The following AK5 variants were observed in gnomAD, a reference collection of about 807,000 sequenced individuals.
AK5 encodes the protein adenylate kinase 5.
Under a neutral mutation model 69.5 loss-of-function variants are expected in AK5, and 27 were observed. The observed-to-expected ratio is 0.39, with a 90% CI of 0.29 to 0.54. The LOEUF is 0.54. AK5 is among the 20% of genes least tolerant of loss of function. The pLI, the probability that AK5 is intolerant of heterozygous loss-of-function variation, is 0.71. For synonymous variants in AK5, 260 were observed against 244.4 expected, an observed-to-expected ratio of 1.06 and a Z score of -0.60; for missense variants, 531 against 700.4, an observed-to-expected ratio of 0.76 and a Z score of 2.73.
intron 6 of AK5, among the ~76,000 whole-genome samples, chr1:77,408,889 A>G (rs538645419): frequency 1.3e-5 from 2 of 152,062 alleles, no homozygotes; most frequent in East Asian, 1.9e-4. Flanking sequence ...TAATAGTTAT[A>G]TTTTCTGCTT....
At chr1:77,398,854 A>G (rs1018715296) in intron 6 of AK5, among the ~76,000 whole-genome samples, 7 of 152,172 alleles carry the variant, frequency 4.6e-5, no homozygotes, top group Admixed American at 1.3e-4. Context: ...CAATATATCT[A>G]TATTGAATTG....
intron 10 of AK5, among the ~76,000 whole-genome samples, chr1:77,506,713 A>G (rs1366445436): frequency 1.3e-5 from 2 of 152,158 alleles, no homozygotes; most frequent in African/African-American, 4.8e-5. Flanking sequence ...TTCATTGTTA[A>G]TGGGGCCGGG....
intron 12 of AK5, among the ~76,000 whole-genome samples, chr1:77,534,302 A>G (rs961041771): frequency 9.9e-5 from 15 of 152,204 alleles, no homozygotes; most frequent in African/African-American, 3.4e-4. Flanking sequence ...AGCATGTCCC[A>G]GAGACAAAAG....
chr1:77,416,078 C>T (rs1214424543), intron 7 of AK5, among the ~76,000 whole-genome samples: 1 of 151,892 alleles, frequency 6.6e-6, no homozygotes, highest in Non-Finnish European at 1.5e-5. Flanking sequence ...CTTACTGCCT[C>T]ACAACATAAG....
intron 10 of AK5, among the ~76,000 whole-genome samples, chr1:77,516,640 T>A (rs748174545): frequency 6.8e-6 from 1 of 147,180 alleles, no homozygotes; most frequent in East Asian, 2.0e-4. Flanking sequence ...CGTGGTAGCC[T>A]GGAAAAGTCT....
rs546401919 is a variant in AK5, at chr1:77,306,178, TC to T, written c.699+8232del. Reference sequence around the variant, plus strand: ...TGTTTCCAATCTTAGAGGAAAGGCTTCAGTTTTTCCCCATTCAGTATGATAC... The same window carrying T: ...TGTTTCCAATCTTAGAGGAAAGGCTTAGTTTTTCCCCATTCAGTATGATAC... On this transcript the variant is annotated intron_variant, in intron 5 of 13. Coordinates refer to ENST00000354567, the MANE Select transcript of AK5 (RefSeq NM_174858.3). Among the ~76,000 whole-genome samples the T allele has an allele frequency of 6.1e-3, 922 of 152,274 alleles. 11 individuals are homozygous for T. Among genetic ancestry groups the T allele is most frequent in the African/African-American group, 0.021 (877 of 41,566 alleles).
At chr1:77,479,055 A>C (rs1655109694) in intron 8 of AK5, among the ~76,000 whole-genome samples, 2 of 152,218 alleles carry the variant, frequency 1.3e-5, no homozygotes, top group South Asian at 4.1e-4. Context: ...CTCTAATCCA[A>C]ATCTGCAGTT....
intron 6 of AK5, among the ~76,000 whole-genome samples, chr1:77,401,502 A>G (rs898010632): frequency 6.6e-6 from 1 of 151,898 alleles, no homozygotes; most frequent in Non-Finnish European, 1.5e-5. Context: ...AAAACAGCCA[A>G]TTGATTTCCC....
chr1:77,451,211 CT>C (rs1653131273), intron 8 of AK5, among the ~76,000 whole-genome samples: 1 of 151,402 alleles, frequency 6.6e-6, no homozygotes, highest in Non-Finnish European at 1.5e-5. Flanking sequence ...AAAAGCAAAA[CT>C]ACATGCTATG....
intron 12 of AK5, among the ~76,000 whole-genome samples, chr1:77,522,791 T>TA (rs1658067327): frequency 6.6e-6 from 1 of 152,212 alleles, no homozygotes; most frequent in Non-Finnish European, 1.5e-5. Context: ...GCCTCATTGT[T>TA]AAACAAATAC....
chr1:77,513,655 C>T (rs1570288709), intron 10 of AK5, among the ~76,000 whole-genome samples: 1 of 152,178 alleles, frequency 6.6e-6, no homozygotes, highest in Non-Finnish European at 1.5e-5. Flanking sequence ...GCCTGGTCAA[C>T]GTGGTGAAAC....
At chr1:77,425,062 A>AT (rs1267797406) in intron 8 of AK5, among the ~76,000 whole-genome samples, 10 of 152,188 alleles carry the variant, frequency 6.6e-5, no homozygotes, top group African/African-American at 1.7e-4. Flanking sequence ...GATCAAAATC[A>AT]TTTTTACTTT....
intron 13 of AK5, among the ~76,000 whole-genome samples, chr1:77,554,653 T>G (rs532485506): frequency 6.6e-6 from 1 of 152,136 alleles, no homozygotes; most frequent in Non-Finnish European, 1.5e-5. Context: ...TTGCCCAGGC[T>G]GGAGTGCAGT....
At chr1:77,411,158 A>G in intron 7 of AK5, 87 bp downstream of exon 7, 1 of 1,091,018 alleles carries the variant, frequency 9.2e-7, no homozygotes, top group Non-Finnish European at 1.3e-6. Context: ...AAGTTCAACA[A>G]ACTGCTGCAA....
At position 77,417,803 on chromosome 1, in the gene AK5, C is replaced by T. The variant is rs977944969; in HGVS notation, c.1059+88C>T. On this transcript the variant is annotated intron_variant, in intron 8 of 13. Coordinates refer to ENST00000354567, the MANE Select transcript of AK5 (RefSeq NM_174858.3). Reference sequence around the variant, plus strand: ...TTTATGAAAATTTGAATTATAAAAACTCATTTTGTGAAATATATACAGATA... The same window carrying T: ...TTTATGAAAATTTGAATTATAAAAATTCATTTTGTGAAATATATACAGATA... 3.2e-5 allele frequency: 26 copies of T among 800,694 alleles called. No individual in the cohort carries two copies. In the African/African-American group the frequency reaches 4.4e-4, roughly 14 times the overall value. 49.6% of individuals were successfully genotyped at this position (800,694 alleles called of 1,614,324 possible).
chr1:77,502,379 T>C (rs78703962), intron 10 of AK5, among the ~76,000 whole-genome samples: 94 of 152,288 alleles, frequency 6.2e-4, no homozygotes, highest in African/African-American at 2.2e-3. Context: ...TTCTTCCCTT[T>C]AAGGACCTGC....
At chr1:77,552,073 A>G (rs936665491) in intron 13 of AK5, among the ~76,000 whole-genome samples, 1 of 152,160 alleles carries the variant, frequency 6.6e-6, no homozygotes, top group African/African-American at 2.4e-5. Flanking sequence ...CTTTAGCAAG[A>G]TCCCCTACTC....
At chr1:77,520,873 A>C (rs1250024644) in intron 11 of AK5, among the ~76,000 whole-genome samples, 1 of 152,198 alleles carries the variant, frequency 6.6e-6, no homozygotes, top group African/African-American at 2.4e-5. Context: ...CAATGGCCGC[A>C]TTCCCCAAGC....
chr1:77,540,834 C>T (rs1162288913), intron 13 of AK5: 2 of 151,958 alleles, frequency 1.3e-5, no homozygotes, highest in African/African-American at 2.4e-5. Flanking sequence ...TGTGGTGGCA[C>T]ATGTCTATAA....
Sources: allele counts gnomAD v4.1 joint callset (sites outside exome capture counted in the v4.1 genomes callset), GRCh38; gene constraint gnomAD v4.1.1; transcripts MANE v1.5; gene names NCBI Gene and HGNC (gene_info 2026-07-23, HGNC 2026-07-21).